The following TMCC2 variants were observed in gnomAD, a reference collection of about 807,000 sequenced individuals.
TMCC2 encodes transmembrane and coiled-coil domain family 2, also known as transmembrane and coiled-coil domains protein 2.
In TMCC2, 16 loss-of-function variants were observed where a neutral mutation model predicts 49.4. That is an observed-to-expected ratio of 0.32 (90% CI 0.22 to 0.49). The LOEUF (loss-of-function observed/expected upper bound fraction) is 0.49. TMCC2 is among the 20% of genes least tolerant of loss of function. TMCC2 has a pLI of 0.99. For missense variants in TMCC2, 762 were observed against 989.8 expected (o/e 0.77, Z 3.09); for synonymous variants, 397 against 434.1 (o/e 0.91, Z 1.06).
chr1:205,243,355 G>C (rs1255275823), intron 2 of TMCC2, among the ~76,000 whole-genome samples: 1 of 152,154 alleles, frequency 6.6e-6, no homozygotes, highest in Non-Finnish European at 1.5e-5. Context: ...CTGCACTCCA[G>C]CCTGGGAGAC....
At chr1:205,257,651 C>G (rs1660932908) in intron 2 of TMCC2, among the ~76,000 whole-genome samples, 1 of 152,194 alleles carries the variant, frequency 6.6e-6, no homozygotes, top group Non-Finnish European at 1.5e-5. Context: ...TGTGGCACTT[C>G]AGCTGGGGCC....
intron 1 of TMCC2, among the ~76,000 whole-genome samples, chr1:205,232,755 T>TA (rs1343355704): frequency 6.6e-6 from 1 of 150,828 alleles, no homozygotes; most frequent in Non-Finnish European, 1.5e-5. Flanking sequence ...GCCAACATGG[T>TA]AAAATCCTGT....
At chr1:205,249,518 C>T (rs1008999971) in intron 2 of TMCC2, among the ~76,000 whole-genome samples, 1 of 152,196 alleles carries the variant, frequency 6.6e-6, no homozygotes, top group Non-Finnish European at 1.5e-5. Context: ...GCCAGCCGGC[C>T]GTGGGGGCCC....
At position 205,256,206 on chromosome 1, in the gene TMCC2, G is replaced by A. The variant is rs567664600; in HGVS notation, c.748-12744G>A. The A allele has an allele frequency of 3.3e-5, 48 of 1,469,332 alleles. No individual in the cohort carries two copies. In the African/African-American group the frequency reaches 6.3e-4, roughly 19 times the overall value. The allele number at this position is 1,469,332 out of a possible 1,614,324, so 91.0% of individuals were successfully genotyped here. ...TGGAGTTCCTCACCAGACTCAAGTG[G>A]GTGCAGAATCCATGTCTTTCTGAAC... On this transcript the variant is annotated intron_variant, in intron 2 of 4. Coordinates refer to ENST00000358024, the MANE Select transcript of TMCC2 (RefSeq NM_014858.4).
intron 1 of TMCC2, among the ~76,000 whole-genome samples, chr1:205,234,801 A>C (rs376322019): frequency 2.1e-3 from 315 of 152,036 alleles, no homozygotes; most frequent in African/African-American, 7.4e-3. Context: ...CTGGGACTAT[A>C]GGCATGCACC....
At chr1:205,252,194 CTG>C (rs374659783) in intron 2 of TMCC2, among the ~76,000 whole-genome samples, 1 of 152,218 alleles carries the variant, frequency 6.6e-6, no homozygotes, top group African/African-American at 2.4e-5. Context: ...GGGCTCATGT[CTG>C]TGCCCAAGAA....
chr1:205,265,387 T>C (rs1487919756), intron 2 of TMCC2, among the ~76,000 whole-genome samples: 1 of 152,192 alleles, frequency 6.6e-6, no homozygotes, highest in East Asian at 1.9e-4. Context: ...GGTGGAGACT[T>C]TGCTATTTTA....
At chr1:205,251,449 C>T (rs149793292) in intron 2 of TMCC2, among the ~76,000 whole-genome samples, 17 of 152,310 alleles carry the variant, frequency 1.1e-4, no homozygotes, top group Non-Finnish European at 2.2e-4. Context: ...TTACAGTTCT[C>T]CAGATACCCC....
intron 1 of TMCC2, among the ~76,000 whole-genome samples, chr1:205,236,351 A>G (rs958456541): frequency 2.0e-5 from 3 of 152,222 alleles, no homozygotes; most frequent in African/African-American, 7.2e-5. Flanking sequence ...TCTGAGTTAG[A>G]CACAAGAAAA....
At position 205,230,403 on chromosome 1, in the gene TMCC2, GC is replaced by G. The variant is rs1384896287; in HGVS notation, c.207+1635del. The stretch of plus-strand genomic sequence containing the variant: ...CACAAGAAGCTTGAGCTTTTGCCAG[GC>G]CCAGGGAGTCCTTGGTGTTTATCTC... On this transcript the variant is annotated intron_variant, in intron 1 of 4. Transcript: ENST00000358024. Among the ~76,000 whole-genome samples, 7 of 152,168 alleles carry G rather than the reference GC, an allele frequency of 4.6e-5. No homozygotes were observed. The East Asian group carries it at 1.3e-3, about 29-fold the overall frequency.
rs755456249 is a variant in TMCC2, at chr1:205,269,298, C to G, written c.1096C>G (p.Gln366Glu). Residue 366 changes from glutamine (Q) to glutamate (E), a missense_variant, in exon 3 of 5, where the codon CAG becomes GAG. Physicochemically the swap from Gln to Glu is conservative, Grantham distance 29. This residue lies in a region of TMCC2 where 440 missense variants were observed against 636.7 expected (regional missense o/e 0.69). Coordinates refer to ENST00000358024, the MANE Select transcript of TMCC2 (RefSeq NM_014858.4). ...CCGCCGGCGCCTGAAGGAGATTGAG[C>G]AGAACGGGCCCTCGCGGCAGCCCAA... Reference protein sequence around the residue: ...HYRRRLKEIEQNGPSRQPKDV... With the variant: ...HYRRRLKEIEENGPSRQPKDV... 8 of 1,613,624 alleles carry G rather than the reference C, an allele frequency of 5.0e-6. No individual in the cohort carries two copies. The highest frequency in any genetic ancestry group is 6.8e-6 in the Non-Finnish European group (8 of 1,180,016).
intron 1 of TMCC2, among the ~76,000 whole-genome samples, chr1:205,232,560 C>T (rs1386283915): frequency 6.6e-6 from 1 of 152,056 alleles, no homozygotes; most frequent in Non-Finnish European, 1.5e-5. Flanking sequence ...GCAAGAAAAC[C>T]CAGTTCCATT....
At position 205,236,056 on chromosome 1, in the gene TMCC2, A is replaced by G. The variant is rs201032585; in HGVS notation, c.208-5449A>G. On this transcript the variant is annotated intron_variant, in intron 1 of 4. Transcript: ENST00000358024. Reference sequence around the variant, plus strand: ...TACACTCCAGCCTAGGCGACACAGCAGGACTCTGTCTCAAAAAAAAAAAAA... The same window carrying G: ...TACACTCCAGCCTAGGCGACACAGCGGGACTCTGTCTCAAAAAAAAAAAAA... Among the ~76,000 whole-genome samples the G allele has an allele frequency of 2.3e-4, 32 of 138,736 alleles. No individual in the cohort carries two copies. The East Asian group carries it at 6.7e-3, about 29-fold the overall frequency. 91.0% of individuals were successfully genotyped at this position (138,736 alleles called of 152,430 possible). A position where few individuals can be genotyped will look rare whatever the true frequency, so the allele number is the denominator to read the frequency against.
chr1:205,249,817 C>T (rs1239412569), intron 2 of TMCC2, among the ~76,000 whole-genome samples: 1 of 152,232 alleles, frequency 6.6e-6, no homozygotes, highest in Non-Finnish European at 1.5e-5. Context: ...AGACCAGCAG[C>T]CTCAGAGGAG....
Position 205,241,516 on chromosome 1 carries a change from G to C in TMCC2, c.219G>C (p.Gln73His). 6.2e-7 allele frequency: 1 copy of C among 1,613,540 alleles called. No individual in the cohort carries two copies. Among genetic ancestry groups the C allele is most frequent in the Non-Finnish European group, 8.5e-7 (1 of 1,179,926 alleles). Residue 73 changes from glutamine to histidine, a missense_variant, in exon 2 of 5, where the codon CAG becomes CAC. Physicochemically the swap from Gln to His is conservative, Grantham distance 24. Coordinates refer to ENST00000358024, the MANE Select transcript of TMCC2 (RefSeq NM_014858.4). This position sits in a 1 kb window ranked among gnomAD's most constrained non-coding sequence, Gnocchi z 7.3. Reference protein sequence around the residue: ...SKPPDLKKIQQLSEGSMFGHG... With the variant: ...SKPPDLKKIQHLSEGSMFGHG... ...CTCTCCCCCTTAAGAAAATCCAGCA[G>C]CTGTCAGAGGGCTCCATGTTTGGCC...
In TMCC2 at chr1:205,269,927, G is replaced by A. The variant is rs372346125; in HGVS notation, c.1682+43G>A. The A allele has an allele frequency of 6.4e-6, 10 of 1,574,056 alleles. No individual in the cohort carries two copies. In the Admixed American group the frequency reaches 1.4e-4, roughly 21 times the overall value. The stretch of plus-strand genomic sequence containing the variant: ...CCCTCCTGCAGCCCAGCCGGACGTG[G>A]GATGAGGCAAGGAGCACTGGGTTTC... On this transcript the variant is annotated intron_variant, in intron 3 of 4. Transcript: ENST00000358024.
chr1:205,243,410 A>AG (rs1392419289), intron 2 of TMCC2, among the ~76,000 whole-genome samples: 1 of 152,008 alleles, frequency 6.6e-6, no homozygotes, highest in Non-Finnish European at 1.5e-5. Flanking sequence ...CCAACAAAAA[A>AG]AATCAGTAGA....
rs1243226696 is a variant in TMCC2 at position 205,266,641 on chromosome 1, T to C, written c.748-2309T>C. Among the ~76,000 whole-genome samples the C allele has an allele frequency of 2.6e-5, 4 of 151,650 alleles. No individual in the cohort carries two copies. In the East Asian group the frequency reaches 7.7e-4, roughly 29 times the overall value. ...AAAAAAAACCGTTAATTTTGTGTAGTTCTAGCAATACAGAGTAAATTTGTT... is the reference window on the plus strand; with the variant it reads ...AAAAAAAACCGTTAATTTTGTGTAGCTCTAGCAATACAGAGTAAATTTGTT... On this transcript the variant is annotated intron_variant, in intron 2 of 4. Coordinates refer to ENST00000358024, the MANE Select transcript of TMCC2 (RefSeq NM_014858.4).
At chr1:205,230,970 C>T (rs1188681943) in intron 1 of TMCC2, among the ~76,000 whole-genome samples, 1 of 106,820 alleles carries the variant, frequency 9.4e-6, no homozygotes, top group African/African-American at 3.1e-5. Flanking sequence ...CCCCTTACCC[C>T]GCGCCCCCAT....
Sources: allele counts gnomAD v4.1 joint callset (sites outside exome capture counted in the v4.1 genomes callset), GRCh38; gene constraint gnomAD v4.1.1; regional missense constraint gnomAD v4.1.1; non-coding constraint Gnocchi (gnomAD v3.1); transcripts MANE v1.5; gene names NCBI Gene and HGNC (gene_info 2026-07-23, HGNC 2026-07-21).